Variants in ARHGAP9 observed in about 807,000 individuals in gnomAD.
ARHGAP9 encodes rho GTPase-activating protein 9.
In ARHGAP9, 76 loss-of-function variants were observed where a neutral mutation model predicts 87.3. That is an observed-to-expected ratio of 0.87 (90% CI 0.72 to 1.05). The LOEUF (loss-of-function observed/expected upper bound fraction) is 1.05. Ranked by LOEUF, ARHGAP9 falls within the 50% of genes least tolerant of loss-of-function variation. The pLI is 0.00. For missense variants in ARHGAP9, 941 were observed against 960.5 expected, an observed-to-expected ratio of 0.98 and a Z score of 0.27; for synonymous variants, 382 against 394.9, an observed-to-expected ratio of 0.97 and a Z score of 0.39.
upstream of ARHGAP9, among the ~76,000 whole-genome samples, chr12:57,481,977 T>C (rs957642947): frequency 1.6e-4 from 24 of 152,198 alleles, no homozygotes; most frequent in African/African-American, 5.5e-4. Flanking sequence ...GATCTTTCTC[T>C]GGGGCTCCCA....
rs756001973 is a variant in ARHGAP9, at chr12:57,474,173, C to A, written c.1787G>T (p.Gly596Val). ...CTCAGTACTGTCCAAATCTAACCGACCTTCTGGAGGGAGAAGGAGGTATAG... is the reference window on the plus strand; with the variant it reads ...CTCAGTACTGTCCAAATCTAACCGAACTTCTGGAGGGAGAAGGAGGTATAG... ...YVFPEQPGQE[G>V]RLDLDSTEWD... Residue 596 changes from glycine to valine, a missense_variant, in exon 16 of 18, where the codon GGT (glycine) becomes GTT (valine). Coordinates refer to ENST00000393791, the MANE Select transcript of ARHGAP9 (RefSeq NM_032496.4). 2 of 1,611,436 alleles carry A rather than the reference C, an allele frequency of 1.2e-6. No homozygotes were observed. The highest frequency in any genetic ancestry group is 1.1e-5 in the South Asian group (1 of 90,976).
chr12:57,487,749 TGAGGCCG>T (rs1875538006), intron 1 of ARHGAP9: 1 of 252,722 alleles, frequency 4.0e-6, no homozygotes, highest in African/African-American at 2.3e-5. Context: ...CATGGGAGGC[TGAGGCCG>T]GAGAATCACT....
At chr12:57,487,914 G>GA in intron 1 of ARHGAP9, 1 of 569,462 alleles carries the variant, frequency 1.8e-6, no homozygotes, top group East Asian at 3.1e-5. Flanking sequence ...TCATCTCGAT[G>GA]ATAGTCTTTT....
intron 1 of ARHGAP9, among the ~76,000 whole-genome samples, chr12:57,486,569 C>G (rs1875419823): frequency 7.0e-6 from 1 of 143,568 alleles, no homozygotes. Flanking sequence ...CGCGCCCGGC[C>G]TTACTTCTCA....
At chr12:57,478,001 C>G (rs1366468326) in intron 3 of ARHGAP9, 1 of 1,163,644 alleles carries the variant, frequency 8.6e-7, no homozygotes, top group Non-Finnish European at 1.1e-6. Context: ...GGTGCCCCAC[C>G]CTCACATCCT....
intron 1 of ARHGAP9, chr12:57,487,878 C>G: frequency 5.1e-6 from 2 of 389,578 alleles, no homozygotes; most frequent in Non-Finnish European, 4.6e-6. Context: ...AAAAAAAGTG[C>G]AGTCTAGCCC....
intron 15 of ARHGAP9, 80 bp from the exon 16 acceptor site, chr12:57,474,256 T>G (rs1226728099): frequency 2.5e-6 from 4 of 1,584,842 alleles, no homozygotes; most frequent in Non-Finnish European, 3.4e-6. Context: ...TCTGGAGAAA[T>G]CCAGTCAAAG....
chr12:57,476,566 C>G (rs375832269), intron 7 of ARHGAP9, 24 bp downstream of exon 7: 2 of 1,614,064 alleles, frequency 1.2e-6, no homozygotes, highest in Non-Finnish European at 1.7e-6. Flanking sequence ...CAGCCCAGGC[C>G]CTAGCTGTAT....
rs772679461 is a variant in ARHGAP9 at position 57,472,294 on chromosome 12, T to C, written c.*223A>G. The C allele has an allele frequency of 1.3e-5, 8 of 616,610 alleles. No homozygotes were observed. Among genetic ancestry groups the C allele is most frequent in the Non-Finnish European group, 1.9e-5 (7 of 364,688 alleles). The allele number at this position is 616,610 out of a possible 1,614,324, so 38.2% of individuals were successfully genotyped here. A position where few individuals can be genotyped will look rare whatever the true frequency, so the allele number is the denominator to read the frequency against. On this transcript the variant is annotated 3_prime_UTR_variant, in exon 18 of 18. Transcript: ENST00000393791. ...TACCATGCCACTTTATGTATTATTA[T>C]GTTGGGGAGGAATGATAACAGGGAA...
At chr12:57,488,502 T>C in intron 1 of ARHGAP9, 2 of 1,426,948 alleles carry the variant, frequency 1.4e-6, no homozygotes, top group Non-Finnish European at 1.9e-6. Context: ...CTATCAGGCA[T>C]CCCCCTCTGC....
Position 57,476,052 on chromosome 12 carries a change from C to A in ARHGAP9, c.1212+19G>T. 2 of 1,515,574 alleles carry A rather than the reference C, an allele frequency of 1.3e-6. No homozygotes were observed. The highest frequency in any genetic ancestry group is 8.8e-7 in the Non-Finnish European group (1 of 1,132,478). 93.9% of individuals were successfully genotyped at this position (1,515,574 alleles called of 1,614,324 possible). Reference sequence around the variant, plus strand: ...CTCGGGTCGGGTGGGGCCTTGGGGACGCGCGGGAGGGCGCTCACGTGCAGG... The same window carrying A: ...CTCGGGTCGGGTGGGGCCTTGGGGAAGCGCGGGAGGGCGCTCACGTGCAGG... On this transcript the variant is annotated intron_variant, in intron 9 of 17. Transcript: ENST00000393791.
chr12:57,478,874 A>G (rs1874622026), intron 2 of ARHGAP9, 117 bp from the exon 3 acceptor site: 5 of 1,152,412 alleles, frequency 4.3e-6, no homozygotes, highest in Middle Eastern at 2.7e-4. Flanking sequence ...GATGTGGAAA[A>G]TGGCATGAGA....
At position 57,478,702 on chromosome 12, in the gene ARHGAP9, CCTG is replaced by C. The variant is rs1565627893; in HGVS notation, c.369_371del (p.Ser123del). On this transcript the variant is annotated inframe_deletion, in exon 3 of 18. Coordinates refer to ENST00000393791, the MANE Select transcript of ARHGAP9 (RefSeq NM_032496.4). ...GAGGCTGCTCCGAGCTAGCCTGAGC[CCTG>C]CTTGGGAGGGCCTGAGACAACTCCT... 6.2e-7 allele frequency: 1 copy of C among 1,614,012 alleles called. No homozygotes were observed. Among genetic ancestry groups the C allele is most frequent in the Admixed American group, 1.7e-5 (1 of 60,016 alleles).
upstream of ARHGAP9, among the ~76,000 whole-genome samples, chr12:57,484,505 C>G (rs560787980): frequency 6.6e-5 from 10 of 152,236 alleles, no homozygotes; most frequent in East Asian, 1.4e-3. Flanking sequence ...GCCAAGGTAG[C>G]AGAAGCCCAC....
chr12:57,476,222 C>A, intron 8 of ARHGAP9, 56 bp from the exon 9 acceptor site: 1 of 1,504,078 alleles, frequency 6.6e-7, no homozygotes, highest in South Asian at 1.2e-5. Context: ...CTGCTTCCCT[C>A]TCCCCGGTGG....
upstream of ARHGAP9, among the ~76,000 whole-genome samples, chr12:57,481,267 T>C (rs1874976540): frequency 6.6e-6 from 1 of 152,180 alleles, no homozygotes; most frequent in African/African-American, 2.4e-5. Context: ...TCTTTTTTTT[T>C]TGAGACAGAG....
chr12:57,475,010 C>G lies in ARHGAP9; in HGVS notation c.1553-37G>C, dbSNP rs548301559. ...GAGTGAGGCGGGAAGCCAGTGCCAG[C>G]GTCACTCACAGGAGCTCTTCTCAGC... On this transcript the variant is annotated intron_variant, in intron 12 of 17. Coordinates refer to ENST00000393791, the MANE Select transcript of ARHGAP9 (RefSeq NM_032496.4). The G allele has an allele frequency of 8.8e-6, 14 of 1,595,072 alleles. No individual in the cohort carries two copies. In the African/African-American group the frequency reaches 1.3e-4, roughly 15 times the overall value.
At chr12:57,475,120 C>G (rs1873094190) in intron 12 of ARHGAP9, 147 bp from the exon 13 acceptor site, 1 of 1,111,716 alleles carries the variant, frequency 9.0e-7, no homozygotes, top group Non-Finnish European at 1.3e-6. Context: ...CCTCCCTTCC[C>G]CTGCTTCAAA....
At chr12:57,485,696 T>C (rs968567439) in intron 1 of ARHGAP9, among the ~76,000 whole-genome samples, 2 of 152,170 alleles carry the variant, frequency 1.3e-5, no homozygotes. Context: ...TTTGTTTGTT[T>C]GTTTTGTTGT....
Sources: allele counts gnomAD v4.1 joint callset (sites outside exome capture counted in the v4.1 genomes callset), GRCh38; gene constraint gnomAD v4.1.1; transcripts MANE v1.5; gene names NCBI Gene and HGNC (gene_info 2026-07-23, HGNC 2026-07-21).